Variants in STK3 observed in about 807,000 individuals in gnomAD.
STK3 encodes the protein serine/threonine-protein kinase 3.
Under a neutral mutation model 58.0 loss-of-function variants are expected in STK3, and 41 were observed. That is an observed-to-expected ratio of 0.71 (90% CI 0.55 to 0.92). The LOEUF (loss-of-function observed/expected upper bound fraction) is 0.92, where lower values mean the gene tolerates loss of function less well. Among genes scored for constraint, STK3 ranks in the 40% least tolerant of loss-of-function variants. STK3 has a pLI of 0.00. For synonymous variants in STK3, 170 were observed against 191.0 expected, an observed-to-expected ratio of 0.89 and a Z score of 0.91; for missense variants, 479 against 602.7, an observed-to-expected ratio of 0.79 and a Z score of 2.15.
chr8:98,494,037 A>G (rs1273443118), intron 10 of STK3, among the ~76,000 whole-genome samples: 1 of 152,156 alleles, frequency 6.6e-6, no homozygotes, highest in Non-Finnish European at 1.5e-5. Flanking sequence ...AATCCCCTTA[A>G]TGATTTCTCT....
intron 3 of STK3, 148 bp from the exon 4 acceptor site, chr8:98,749,538 G>A (rs1038803981): frequency 4.4e-6 from 2 of 451,962 alleles, no homozygotes; most frequent in African/African-American, 2.0e-5. Flanking sequence ...CTCAATATCT[G>A]GAGTTCACCA....
intron 6 of STK3, among the ~76,000 whole-genome samples, chr8:98,635,367 T>C (rs967622657): frequency 6.6e-6 from 1 of 152,158 alleles, no homozygotes; most frequent in Non-Finnish European, 1.5e-5. Context: ...CTTTTAATCC[T>C]CACCAAAACC....
chr8:98,925,949 T>C lies in STK3; in HGVS notation c.-79+16429A>G, dbSNP rs1309871062. The stretch of plus-strand genomic sequence containing the variant: ...TCTGCTCAGCTCATATTAAAGTATG[T>C]AGCATCAGAGCCTCCTCATAATCAG... On this transcript the variant is annotated intron_variant, in intron 1 of 1. Coordinates refer to the STK3 transcript ENST00000519420. 5.3e-5 allele frequency among the ~76,000 whole-genome samples: 8 copies of C among 152,286 alleles called. No homozygotes were observed. The East Asian group carries it at 1.5e-3, about 29-fold the overall frequency.
chr8:98,899,291 A>AT (rs760072226), intron 1 of STK3, among the ~76,000 whole-genome samples: 8 of 151,994 alleles, frequency 5.3e-5, no homozygotes, highest in Non-Finnish European at 1.0e-4. Context: ...AGTTTGCAAA[A>AT]TTTTTTGCAA....
intron 1 of STK3, among the ~76,000 whole-genome samples, chr8:98,929,046 A>C (rs1183032446): frequency 1.3e-5 from 2 of 151,302 alleles, no homozygotes; most frequent in Non-Finnish European, 2.9e-5. Flanking sequence ...CGGGTGGATC[A>C]CCTGAGGTCA....
intron 1 of STK3, among the ~76,000 whole-genome samples, chr8:98,918,765 TC>T (rs1203236817): frequency 2.0e-5 from 3 of 151,866 alleles, no homozygotes; most frequent in Non-Finnish European, 1.5e-5. Flanking sequence ...TGAGACCCTG[TC>T]TCAAAAAGAC....
In STK3 at chr8:98,701,639, T is replaced by A. The variant is rs1425025071; in HGVS notation, c.684+4828A>T. 2.3e-4 allele frequency among the ~76,000 whole-genome samples: 35 copies of A among 149,674 alleles called. 1 individual carries two copies. The highest frequency in any genetic ancestry group is 7.9e-4 in the African/African-American group (32 of 40,522). On this transcript the variant is annotated intron_variant, in intron 6 of 10. Transcript: ENST00000419617. ...TTTGTCTCAAAAAAAAATATATATA[T>A]ATATATATCTATACACACACATATA... is the stretch of plus-strand genomic sequence containing the variant.
Position 98,596,090 on chromosome 8 carries a change from A to T in STK3, c.764T>A (p.Val255Asp). 2 of 1,613,344 alleles carry T rather than the reference A, an allele frequency of 1.2e-6. No homozygotes were observed. The highest frequency in any genetic ancestry group is 1.7e-6 in the Non-Finnish European group (2 of 1,179,630). The stretch of plus-strand genomic sequence containing the variant: ...AGGATTCTTCACCAAACACTTTTTA[A>T]CAAAATCGGTGAAATCATCGGACCA... ...ELWSDDFTDFVKKCLVKNPEQ... is the reference protein window; with the variant it reads ...ELWSDDFTDFDKKCLVKNPEQ... Residue 255 changes from valine to aspartate, a missense_variant, in exon 7 of 11, where the codon GTT becomes GAT. By Grantham distance (152) the Val-to-Asp change is radical (BLOSUM62 -3). Around this residue, in one of 3 missense-constraint regions of STK3, gnomAD observed 309 missense variants for 355.7 expected, o/e 0.87. Transcript: ENST00000419617.
intron 4 of STK3, chr8:98,723,077 TA>T (rs1827553113): frequency 3.7e-6 from 1 of 267,128 alleles, no homozygotes; most frequent in African/African-American, 2.3e-5. Flanking sequence ...CTCAATACAT[TA>T]CAGATTTCAT....
the STK3 span, among the ~76,000 whole-genome samples, chr8:98,365,276 G>A: frequency 2.0e-5 from 3 of 152,182 alleles, no homozygotes; most frequent in East Asian, 1.9e-4. Flanking sequence ...AGTTCTAGAC[G>A]AATGCTAGAA....
chr8:98,935,169 G>A (rs921027132), intron 1 of STK3, among the ~76,000 whole-genome samples: 28 of 152,122 alleles, frequency 1.8e-4, no homozygotes, highest in Non-Finnish European at 3.5e-4. Context: ...TTAGAGGTGG[G>A]GGTGGGGGGC....
At chr8:98,427,990 A>G in intron 3 of STK3, 6 of 1,555,012 alleles carry the variant, frequency 3.9e-6, no homozygotes, top group Non-Finnish European at 5.2e-6. Context: ...ATGACCGGCC[A>G]GAGCCTGTGG....
chr8:98,674,146 G>A (rs1009390998), intron 6 of STK3, among the ~76,000 whole-genome samples: 16 of 152,114 alleles, frequency 1.1e-4, no homozygotes, highest in Non-Finnish European at 2.4e-4. Flanking sequence ...TGTCATCCAA[G>A]TTATGTTATT....
intron 9 of STK3, among the ~76,000 whole-genome samples, chr8:98,540,131 G>GT (rs1810118976): frequency 6.6e-6 from 1 of 152,150 alleles, no homozygotes; most frequent in Non-Finnish European, 1.5e-5. Flanking sequence ...GTGCTCCAGT[G>GT]TATCTCCAGC....
chr8:98,650,197 G>T (rs768936404), intron 6 of STK3, among the ~76,000 whole-genome samples: 1 of 152,118 alleles, frequency 6.6e-6, no homozygotes, highest in Admixed American at 6.5e-5. Flanking sequence ...CTTTTCTAAT[G>T]TTCATACAGA....
intron 1 of STK3, among the ~76,000 whole-genome samples, chr8:98,802,493 G>C (rs1833619640): frequency 6.6e-6 from 1 of 152,058 alleles, no homozygotes; most frequent in African/African-American, 2.4e-5. Context: ...GATTGGCCAA[G>C]GAATTAATAA....
intron 10 of STK3, among the ~76,000 whole-genome samples, chr8:98,468,790 C>T (rs750773787): frequency 2.6e-5 from 4 of 152,110 alleles, no homozygotes; most frequent in Admixed American, 6.6e-5. Context: ...TTTTAGACTG[C>T]GCAACTAATA....
chr8:98,786,451 G>C (rs989597235), intron 1 of STK3, among the ~76,000 whole-genome samples: 1 of 152,078 alleles, frequency 6.6e-6, no homozygotes, highest in African/African-American at 2.4e-5. Flanking sequence ...GGGAGGCTGG[G>C]GTGAAAGGAT....
Position 98,679,545 on chromosome 8 carries a change from A to G in STK3, c.684+26922T>C, listed in dbSNP as rs201574137. ...CACATGATGTATTTATTTATTTTTG[A>G]TATTATCTCCCTCCCTCAGTAGAAT... On this transcript the variant is annotated intron_variant, in intron 6 of 10. Transcript: ENST00000419617. Among the ~76,000 whole-genome samples, 5 of 152,156 alleles carry G rather than the reference A, an allele frequency of 3.3e-5. No homozygotes were observed. The East Asian group carries it at 7.7e-4, about 23-fold the overall frequency.
Sources: allele counts gnomAD v4.1 joint callset (sites outside exome capture counted in the v4.1 genomes callset), GRCh38; gene constraint gnomAD v4.1.1; regional missense constraint gnomAD v4.1.1; transcripts MANE v1.5; gene names NCBI Gene and HGNC (gene_info 2026-07-23, HGNC 2026-07-21).